BRINP3: variants seen among roughly 807,000 people sequenced by gnomAD.
The protein encoded by BRINP3 is BMP/retinoic acid-inducible neural-specific protein 3.
A neutral mutation model predicts 71.0 loss-of-function variants in BRINP3; 19 were observed. The observed-to-expected ratio is 0.27, with a 90% CI of 0.19 to 0.39. The LOEUF is 0.39. Ranked by LOEUF, BRINP3 falls within the 10% of genes least tolerant of loss-of-function variation. BRINP3 has a pLI of 1.00. For synonymous variants in BRINP3, 380 were observed against 337.7 expected (o/e 1.13, Z -1.37); for missense variants, 959 against 940.8 (o/e 1.02, Z -0.25).
intron 2 of BRINP3, among the ~76,000 whole-genome samples, chr1:190,370,361 T>C (rs1212429968): frequency 1.3e-5 from 2 of 152,114 alleles, no homozygotes; most frequent in Non-Finnish European, 2.9e-5. Flanking sequence ...TTTGAAAACC[T>C]AGATAAATGG....
intron 2 of BRINP3, among the ~76,000 whole-genome samples, chr1:190,416,844 T>C (rs1313917866): frequency 6.6e-6 from 1 of 152,150 alleles, no homozygotes; most frequent in Non-Finnish European, 1.5e-5. Flanking sequence ...AGTCTTTAGC[T>C]GCAGTGATAA....
At chr1:190,304,408 C>T (rs984240941) in intron 2 of BRINP3, among the ~76,000 whole-genome samples, 2 of 151,704 alleles carry the variant, frequency 1.3e-5, no homozygotes, top group Non-Finnish European at 3.0e-5. Context: ...TTAACCCAAA[C>T]TGATACTGGT....
intron 3 of BRINP3, among the ~76,000 whole-genome samples, chr1:190,276,241 T>C (rs1662544084): frequency 6.6e-6 from 1 of 151,638 alleles, no homozygotes; most frequent in Non-Finnish European, 1.5e-5. Flanking sequence ...GTGTATTTGG[T>C]GGATTAACTT....
At chr1:190,450,771 G>A (rs1675553539) in intron 2 of BRINP3, among the ~76,000 whole-genome samples, 1 of 151,864 alleles carries the variant, frequency 6.6e-6, no homozygotes, top group Non-Finnish European at 1.5e-5. Flanking sequence ...TTATATATAT[G>A]TTATGAAGAA....
At chr1:190,284,292 C>G (rs964116473) in intron 2 of BRINP3, among the ~76,000 whole-genome samples, 1 of 151,908 alleles carries the variant, frequency 6.6e-6, no homozygotes, top group Non-Finnish European at 1.5e-5. Flanking sequence ...ATTTATAAGG[C>G]TCTATAATAC....
At chr1:190,222,384 A>G (rs2102688985) in intron 6 of BRINP3, among the ~76,000 whole-genome samples, 1 of 152,068 alleles carries the variant, frequency 6.6e-6, no homozygotes, top group Admixed American at 6.6e-5. Flanking sequence ...AACAAACCAA[A>G]ACTTGAGATA....
chr1:190,246,352 A>G (rs768216733), intron 4 of BRINP3, among the ~76,000 whole-genome samples: 8 of 151,874 alleles, frequency 5.3e-5, no homozygotes, highest in Admixed American at 1.3e-4. Context: ...ATTGGCATCA[A>G]GGGTTTCTTA....
chr1:190,420,325 T>C (rs368435300), intron 2 of BRINP3, among the ~76,000 whole-genome samples: 5 of 151,926 alleles, frequency 3.3e-5, no homozygotes, highest in African/African-American at 1.2e-4. Flanking sequence ...GTGCAAAAAG[T>C]TGTAGATTGT....
At chr1:190,175,752 A>G (rs1202578368) in intron 6 of BRINP3, among the ~76,000 whole-genome samples, 1 of 152,216 alleles carries the variant, frequency 6.6e-6, no homozygotes, top group African/African-American at 2.4e-5. Context: ...TCACCTATCT[A>G]TCTATCGTAT....
At chr1:190,195,688 T>C (rs1654418193) in intron 6 of BRINP3, among the ~76,000 whole-genome samples, 1 of 152,078 alleles carries the variant, frequency 6.6e-6, no homozygotes, top group African/African-American at 2.4e-5. Context: ...GTGATCTAAA[T>C]TGGCTTTATC....
At chr1:190,211,224 C>T (rs907463936) in intron 6 of BRINP3, among the ~76,000 whole-genome samples, 5 of 152,068 alleles carry the variant, frequency 3.3e-5, no homozygotes, top group African/African-American at 4.8e-5. Flanking sequence ...TGAGATCGTG[C>T]CACTGCACTC....
chr1:190,343,595 TTTA>T (rs1478249229), intron 2 of BRINP3, among the ~76,000 whole-genome samples: 2 of 151,734 alleles, frequency 1.3e-5, no homozygotes, highest in Non-Finnish European at 3.0e-5. Flanking sequence ...CATTTTTACT[TTTA>T]TTATTATCAT....
intron 7 of BRINP3, among the ~76,000 whole-genome samples, chr1:190,103,586 A>G (rs771045322): frequency 2.6e-4 from 39 of 152,148 alleles, no homozygotes; most frequent in Admixed American, 2.6e-4. Flanking sequence ...AAGGTCCATT[A>G]TGTATGTAAA....
Position 190,191,789 on chromosome 1 carries a change from C to T in BRINP3, c.962-30899G>A, listed in dbSNP as rs111779464. Among the ~76,000 whole-genome samples, 540 of 152,148 alleles carry T rather than the reference C, an allele frequency of 3.5e-3. 4 individuals are homozygous for T. Among genetic ancestry groups the T allele is most frequent in the African/African-American group, 0.012 (512 of 41,542 alleles). On this transcript the variant is annotated intron_variant, in intron 6 of 7. Transcript: ENST00000367462. ...AAGTTTGAGAACCAGTGTCCTAAGGCATAATTTGCATTGAAATCTTACATA... is the reference window on the plus strand; with the variant it reads ...AAGTTTGAGAACCAGTGTCCTAAGGTATAATTTGCATTGAAATCTTACATA...
At chr1:190,440,909 C>A (rs1409962053) in intron 2 of BRINP3, among the ~76,000 whole-genome samples, 7 of 151,860 alleles carry the variant, frequency 4.6e-5, no homozygotes, top group African/African-American at 1.2e-4. Context: ...AAACTGAAAT[C>A]TTTTAGAATA....
intron 7 of BRINP3, chr1:190,154,230 C>G (rs1351484102): frequency 5.6e-6 from 1 of 178,416 alleles, no homozygotes; most frequent in African/African-American, 2.4e-5. Context: ...GGAAGGTATA[C>G]AGGTGTGATG....
intron 2 of BRINP3, among the ~76,000 whole-genome samples, chr1:190,445,724 C>A (rs1015741391): frequency 1.3e-5 from 2 of 151,886 alleles, no homozygotes; most frequent in Admixed American, 1.3e-4. Context: ...AAAGCTCCAG[C>A]AGAGTGAAAA....
At chr1:190,401,058 C>G (rs1401791440) in intron 2 of BRINP3, among the ~76,000 whole-genome samples, 2 of 152,026 alleles carry the variant, frequency 1.3e-5, no homozygotes, top group Admixed American at 6.6e-5. Context: ...AGGACAAATA[C>G]CATATATGCC....
chr1:190,222,469 A>T (rs10920662), intron 6 of BRINP3, among the ~76,000 whole-genome samples: 58,360 of 151,684 alleles, frequency 0.38, 12,614 homozygotes, highest in Non-Finnish European at 0.49. Context: ...ACTTCAAATA[A>T]CCTAACAATG....
Sources: gnomAD v4.1 joint callset for allele counts (sites outside exome capture counted in the v4.1 genomes callset) on GRCh38, gnomAD v4.1.1 for gene constraint, MANE v1.5 for transcripts, NCBI Gene and HGNC (gene_info 2026-07-23, HGNC 2026-07-21) for gene names.